The following ITGBL1 variants were observed in gnomAD, a reference collection of about 807,000 sequenced individuals.
ITGBL1 encodes the protein integrin subunit beta like 1.
ITGBL1 carries 51 observed loss-of-function variants against 68.5 expected under a neutral mutation model. That is an observed-to-expected ratio of 0.74 (90% confidence interval 0.59 to 0.94). The LOEUF (loss-of-function observed/expected upper bound fraction) is 0.94. ITGBL1 is among the 40% of genes least tolerant of loss of function. ITGBL1 has a pLI of 0.00. For missense variants in ITGBL1, 649 were observed against 647.4 expected (o/e 1.00, Z -0.03); for synonymous variants, 209 against 227.3 (o/e 0.92, Z 0.72).
At chr13:101,620,004 A>T (rs2031521078) in intron 7 of ITGBL1, among the ~76,000 whole-genome samples, 1 of 152,112 alleles carries the variant, frequency 6.6e-6, no homozygotes, top group African/African-American at 2.4e-5. Flanking sequence ...TAATCTTGGT[A>T]TATTGTTTTT....
chr13:101,479,939 A>G (rs1053624042), intron 2 of ITGBL1, among the ~76,000 whole-genome samples: 2 of 152,114 alleles, frequency 1.3e-5, no homozygotes, highest in African/African-American at 2.4e-5. Flanking sequence ...TAGAGCTATC[A>G]TATGATCAAG....
chr13:101,608,663 C>T (rs923576369), intron 7 of ITGBL1, among the ~76,000 whole-genome samples: 1 of 151,992 alleles, frequency 6.6e-6, no homozygotes, highest in Non-Finnish European at 1.5e-5. Flanking sequence ...ATGTGTTCTT[C>T]CAGTAGTACT....
At chr13:101,577,603 T>C (rs925441738) in intron 4 of ITGBL1, among the ~76,000 whole-genome samples, 10 of 152,322 alleles carry the variant, frequency 6.6e-5, no homozygotes, top group African/African-American at 2.2e-4. Flanking sequence ...CATTTATTAA[T>C]ATAGTAATCC....
At chr13:101,684,381 T>C (rs1347449604) in intron 7 of ITGBL1, among the ~76,000 whole-genome samples, 1 of 151,956 alleles carries the variant, frequency 6.6e-6, no homozygotes, top group African/African-American at 2.4e-5. Context: ...TTTTAAGCTT[T>C]AAAAAATCCT....
chr13:101,614,668 G>A (rs969535691), intron 7 of ITGBL1, among the ~76,000 whole-genome samples: 20 of 152,104 alleles, frequency 1.3e-4, no homozygotes, highest in African/African-American at 2.4e-4. Flanking sequence ...TCGCAGCTAC[G>A]GTGAGAGGCG....
At chr13:101,643,528 G>A (rs1594950151) in intron 7 of ITGBL1, among the ~76,000 whole-genome samples, 1 of 152,286 alleles carries the variant, frequency 6.6e-6, no homozygotes, top group East Asian at 1.9e-4. Flanking sequence ...AAAGAGGAAG[G>A]CTTTATGTGT....
chr13:101,708,026 AACACACAC>A (rs3062945), intron 9 of ITGBL1, among the ~76,000 whole-genome samples: 1,516 of 144,372 alleles, frequency 0.011, 18 homozygotes, highest in Admixed American at 0.024. Flanking sequence ...CACACATGCA[AACACACAC>A]ACACACACAC....
chr13:101,522,658 C>A (rs2049305124), intron 2 of ITGBL1, among the ~76,000 whole-genome samples: 1 of 152,160 alleles, frequency 6.6e-6, no homozygotes, highest in African/African-American at 2.4e-5. Context: ...TCAGTCAGTA[C>A]ATATTTACTG....
At chr13:101,553,614 G>T (rs564391769) in intron 2 of ITGBL1, among the ~76,000 whole-genome samples, 3 of 152,244 alleles carry the variant, frequency 2.0e-5, no homozygotes, top group African/African-American at 7.2e-5. Context: ...TGAGATCAAG[G>T]TGTTGGCAGA....
intron 7 of ITGBL1, among the ~76,000 whole-genome samples, chr13:101,653,924 A>G (rs2032841469): frequency 7.0e-6 from 1 of 141,974 alleles, no homozygotes; most frequent in African/African-American, 2.6e-5. Flanking sequence ...GTTGGCCAGG[A>G]TGGTCTCGAT....
At chr13:101,720,574 G>A (rs928695265), downstream of ITGBL1, 2 of 150,718 alleles carry the variant, frequency 1.3e-5, no homozygotes, top group African/African-American at 5.0e-5. Context: ...GTATATGTGT[G>A]TGTTTGTGTG....
At chr13:101,700,299 G>C (rs1286583056) in intron 8 of ITGBL1, among the ~76,000 whole-genome samples, 1 of 152,278 alleles carries the variant, frequency 6.6e-6, no homozygotes, top group South Asian at 2.1e-4. Context: ...ATTTCTTCTA[G>C]CTAGAAAACT....
intron 2 of ITGBL1, among the ~76,000 whole-genome samples, chr13:101,486,476 A>G (rs146435541): frequency 0.011 from 1,641 of 152,262 alleles, 31 homozygotes; most frequent in African/African-American, 0.038. Context: ...ATTGAAATAA[A>G]AATAAAAATT....
At chr13:101,529,990 T>C (rs2049445275) in intron 2 of ITGBL1, among the ~76,000 whole-genome samples, 1 of 152,056 alleles carries the variant, frequency 6.6e-6, no homozygotes, top group Non-Finnish European at 1.5e-5. Context: ...CACCTTCCAG[T>C]ATAAAAGGCG....
chr13:101,638,925 G>A (rs942353263), intron 7 of ITGBL1, among the ~76,000 whole-genome samples: 34 of 152,280 alleles, frequency 2.2e-4, no homozygotes, highest in Non-Finnish European at 2.5e-4. Flanking sequence ...CAGTCATAAT[G>A]TTGAATGTTT....
intron 7 of ITGBL1, among the ~76,000 whole-genome samples, chr13:101,689,502 G>A (rs1011643937): frequency 1.3e-5 from 2 of 151,956 alleles, no homozygotes; most frequent in Non-Finnish European, 2.9e-5. Flanking sequence ...CTGCTCAGGA[G>A]GCTGAGGCAG....
chr13:101,554,961 A>T (rs2049981646), intron 2 of ITGBL1, among the ~76,000 whole-genome samples: 1 of 152,240 alleles, frequency 6.6e-6, no homozygotes, highest in Admixed American at 6.5e-5. Flanking sequence ...ATGTGTCAGG[A>T]TACTATGAGT....
At chr13:101,570,298 G>T (rs2050251657) in intron 3 of ITGBL1, among the ~76,000 whole-genome samples, 1 of 152,010 alleles carries the variant, frequency 6.6e-6, no homozygotes, top group Non-Finnish European at 1.5e-5. Context: ...TGACATGCCT[G>T]CCTTTTGTTT....
intron 3 of ITGBL1, among the ~76,000 whole-genome samples, chr13:101,568,708 C>T (rs771068132): frequency 3.9e-5 from 6 of 152,032 alleles, no homozygotes; most frequent in South Asian, 2.1e-4. Flanking sequence ...TTTGACTTCA[C>T]GAATGAGTAC....
Sources: gnomAD v4.1 joint callset for allele counts (sites outside exome capture counted in the v4.1 genomes callset) on GRCh38, gnomAD v4.1.1 for gene constraint, MANE v1.5 for transcripts, NCBI Gene and HGNC (gene_info 2026-07-23, HGNC 2026-07-21) for gene names.